The following CD96 variants were observed in gnomAD, a reference collection of about 807,000 sequenced individuals.
CD96 encodes CD96 molecule, also known as T-cell surface protein tactile.
CD96 carries 70 observed loss-of-function variants against 71.3 expected under a neutral mutation model. The observed-to-expected ratio is 0.98, with a 90% confidence interval of 0.81 to 1.20. The LOEUF (loss-of-function observed/expected upper bound fraction) is 1.20. Ranked by LOEUF, CD96 falls within the 50% of genes most tolerant of loss-of-function variation. The pLI is 0.00. For missense variants in CD96, 742 were observed against 677.5 expected, an observed-to-expected ratio of 1.10 and a Z score of -1.06; for synonymous variants, 248 against 233.0, an observed-to-expected ratio of 1.06 and a Z score of -0.59.
chr3:111,567,589 C>T lies in CD96; in HGVS notation c.485C>T (p.Pro162Leu), dbSNP rs868102725. 1 of 1,609,226 alleles carries T rather than the reference C, an allele frequency of 6.2e-7. No individual in the cohort carries two copies. Among genetic ancestry groups the T allele is most frequent in the South Asian group, 1.1e-5 (1 of 90,956 alleles). Reference protein sequence around the residue: ...EIEINQTLEIPCFQNSSSKIS... With the variant: ...EIEINQTLEILCFQNSSSKIS... Reference sequence around the variant, plus strand: ...GAGATAAATCAGACTCTGGAAATACCATGCTTTCAAAATAGCTCCTCAAAA... The same window carrying T: ...GAGATAAATCAGACTCTGGAAATACTATGCTTTCAAAATAGCTCCTCAAAA... Residue 162 changes from proline to leucine, a missense_variant, in exon 3 of 14, where the codon CCA becomes CTA. Physicochemically the swap from Pro to Leu is moderately conservative, Grantham distance 98. Transcript: ENST00000352690.
chr3:111,617,824 A>T (rs1938319956), intron 8 of CD96, among the ~76,000 whole-genome samples: 1 of 152,180 alleles, frequency 6.6e-6, no homozygotes, highest in Non-Finnish European at 1.5e-5. Context: ...TGCTCACCAC[A>T]TTGCAAGCAA....
intron 2 of CD96, among the ~76,000 whole-genome samples, chr3:111,565,975 C>A (rs983866679): frequency 6.7e-5 from 10 of 150,234 alleles, no homozygotes; most frequent in Non-Finnish European, 7.4e-5. Context: ...AATTTATAAA[C>A]AGAAATATGC....
Position 111,647,614 on chromosome 3 carries a change from ATGATAT to A in CD96, c.1552_1557del (p.Ile518_Leu519del). The A allele has an allele frequency of 6.2e-7, 1 of 1,611,722 alleles. No homozygotes were observed. The highest frequency in any genetic ancestry group is 8.5e-7 in the Non-Finnish European group (1 of 1,177,886). On this transcript the variant is annotated inframe_deletion, in exon 13 of 14. Coordinates refer to ENST00000352690, the MANE Select transcript of CD96 (RefSeq NM_005816.5). Reference sequence around the variant, plus strand: ...TGTAGCAGCTTTACTCTTTTGCTGCATGATATTGTTTGGTCTTGGAGTGAGAAAATG... The same window carrying A: ...TGTAGCAGCTTTACTCTTTTGCTGCATGTTTGGTCTTGGAGTGAGAAAATG...
intron 1 of CD96, among the ~76,000 whole-genome samples, chr3:111,543,263 T>C (rs1195555709): frequency 6.6e-6 from 1 of 152,226 alleles, no homozygotes; most frequent in Non-Finnish European, 1.5e-5. Flanking sequence ...ATATATCATT[T>C]CTGTAACAGG....
intron 2 of CD96, among the ~76,000 whole-genome samples, chr3:111,548,496 G>A (rs1934530327): frequency 6.6e-6 from 1 of 152,132 alleles, no homozygotes; most frequent in Non-Finnish European, 1.5e-5. Context: ...TCCAAGAAAT[G>A]CAGTTCTCTG....
intron 5 of CD96, among the ~76,000 whole-genome samples, chr3:111,587,226 C>A (rs960025408): frequency 6.6e-6 from 1 of 152,228 alleles, no homozygotes; most frequent in African/African-American, 2.4e-5. Context: ...TTAGGCAGCT[C>A]CACCCCTGTG....
At chr3:111,570,747 T>C (rs1014952738) in intron 3 of CD96, 1 of 1,613,420 alleles carries the variant, frequency 6.2e-7, no homozygotes, top group South Asian at 1.1e-5. Context: ...ATACTCTTCC[T>C]CCTCCTCCCC....
intron 12 of CD96, among the ~76,000 whole-genome samples, chr3:111,642,407 A>G (rs934130909): frequency 2.0e-5 from 3 of 152,192 alleles, no homozygotes; most frequent in African/African-American, 7.2e-5. Context: ...GAGATGGATA[A>G]ATTTCTGGAA....
chr3:111,632,330 CA>C (rs762764125), intron 10 of CD96, among the ~76,000 whole-genome samples: 1 of 151,892 alleles, frequency 6.6e-6, no homozygotes, highest in Non-Finnish European at 1.5e-5. Context: ...AGACAGTTCT[CA>C]AAAGAAGACA....
At chr3:111,549,775 G>A (rs1379913918) in intron 2 of CD96, among the ~76,000 whole-genome samples, 2 of 152,096 alleles carry the variant, frequency 1.3e-5, no homozygotes, top group Non-Finnish European at 1.5e-5. Flanking sequence ...ATTGTATTAG[G>A]GAACACTGGA....
intron 2 of CD96, among the ~76,000 whole-genome samples, chr3:111,555,698 CTT>C (rs1934970914): frequency 6.6e-6 from 1 of 152,280 alleles, no homozygotes; most frequent in South Asian, 2.1e-4. Context: ...TATGATGTGT[CTT>C]TTGGCTTTCA....
chr3:111,551,555 T>A (rs987767939), intron 2 of CD96, among the ~76,000 whole-genome samples: 2 of 152,164 alleles, frequency 1.3e-5, no homozygotes, highest in Non-Finnish European at 1.5e-5. Flanking sequence ...ACATGGGACC[T>A]TCTTTTTCTT....
At chr3:111,659,738 A>G (rs1940311744) in intron 14 of CD96, among the ~76,000 whole-genome samples, 1 of 152,220 alleles carries the variant, frequency 6.6e-6, no homozygotes, top group South Asian at 2.1e-4. Flanking sequence ...ATACCAATAA[A>G]TAGGATTCAC....
intron 10 of CD96, among the ~76,000 whole-genome samples, chr3:111,627,797 A>G (rs1938850838): frequency 6.6e-6 from 1 of 152,242 alleles, no homozygotes. Context: ...TTTCAGAGGA[A>G]TAGGCAGGTG....
chr3:111,640,913 CA>C (rs533861546), intron 12 of CD96, among the ~76,000 whole-genome samples: 128 of 152,298 alleles, frequency 8.4e-4, no homozygotes, highest in African/African-American at 3.0e-3. Flanking sequence ...AGGAAAGATA[CA>C]GTTGTTTTCA....
At chr3:111,567,771 G>T in intron 3 of CD96, 124 bp downstream of exon 3, 1 of 879,356 alleles carries the variant, frequency 1.1e-6, no homozygotes, top group Non-Finnish European at 1.9e-6. Context: ...TGCCAGTGGT[G>T]GGAAGAGGGG....
intron 4 of CD96, chr3:111,579,456 A>G (rs377198469): frequency 5.0e-4 from 310 of 618,092 alleles, no homozygotes; most frequent in African/African-American, 4.1e-3. Flanking sequence ...ACAGAAGCCA[A>G]TAATTTTCTG....
chr3:111,658,801 T>A (rs145621736), intron 14 of CD96, among the ~76,000 whole-genome samples: 12 of 152,280 alleles, frequency 7.9e-5, no homozygotes, highest in African/African-American at 2.4e-4. Context: ...CAAAATAAGA[T>A]ATATTCTATT....
chr3:111,651,924 T>C lies in CD96; in HGVS notation c.*2118T>C, dbSNP rs1000033962. On this transcript the variant is annotated 3_prime_UTR_variant, in exon 14 of 14. Coordinates refer to ENST00000352690, the MANE Select transcript of CD96 (RefSeq NM_005816.5). ...AGAAAGAAAGAAAGAAAGAAAGAAA[T>C]CTACCTGTCAAGGAACTAAGGTATT... The C allele has an allele frequency of 6.8e-6, 1 of 147,978 alleles. No homozygotes were observed. The highest frequency in any genetic ancestry group is 2.5e-5 in the African/African-American group (1 of 39,706). The allele number at this position is 147,978 out of a possible 1,614,324, so 9.2% of individuals were successfully genotyped here. A position where few individuals can be genotyped will look rare whatever the true frequency, so the allele number is the denominator to read the frequency against.
Sources: allele counts gnomAD v4.1 joint callset (sites outside exome capture counted in the v4.1 genomes callset), GRCh38; gene constraint gnomAD v4.1.1; transcripts MANE v1.5; gene names NCBI Gene and HGNC (gene_info 2026-07-23, HGNC 2026-07-21).